GPC5: variants seen among roughly 807,000 people sequenced by gnomAD.
GPC5 encodes the protein glypican 5, also known as glypican-5.
GPC5 carries 47 observed loss-of-function variants against 53.9 expected under a neutral mutation model. The ratio of observed to expected loss-of-function variants is 0.87; its 90% CI spans 0.69 to 1.11. The LOEUF is 1.11. Ranked by LOEUF, GPC5 falls within the 50% of genes most tolerant of loss-of-function variation. The probability of loss-of-function intolerance (pLI) is 0.00; values close to 1 mark genes in which losing one functional copy is unlikely to be tolerated. For missense variants in GPC5, 748 were observed against 713.1 expected (o/e 1.05, Z -0.56); for synonymous variants, 286 against 263.3 (o/e 1.09, Z -0.84).
chr13:92,630,003 C>T (rs567047568), intron 7 of GPC5, among the ~76,000 whole-genome samples: 28 of 152,174 alleles, frequency 1.8e-4, no homozygotes, highest in African/African-American at 6.7e-4. Context: ...TAGTGGAGAA[C>T]CTTCAGGAGA....
At chr13:92,388,139 T>A (rs944970149) in intron 7 of GPC5, among the ~76,000 whole-genome samples, 1 of 152,120 alleles carries the variant, frequency 6.6e-6, no homozygotes, top group African/African-American at 2.4e-5. Flanking sequence ...TTAAACCTAT[T>A]TCTGAACTTT....
At chr13:92,436,031 A>G (rs1235789454) in intron 7 of GPC5, among the ~76,000 whole-genome samples, 2 of 152,146 alleles carry the variant, frequency 1.3e-5, no homozygotes, top group Non-Finnish European at 2.9e-5. Context: ...CTATTGAGTA[A>G]ATTAACATCT....
chr13:91,862,100 C>T (rs1023389819), intron 5 of GPC5, among the ~76,000 whole-genome samples: 10 of 152,050 alleles, frequency 6.6e-5, no homozygotes, highest in African/African-American at 2.4e-4. Flanking sequence ...TTTTCTGTTA[C>T]TCATATACTT....
chr13:91,484,865 G>A lies in GPC5; in HGVS notation c.325+35943G>A, dbSNP rs186099242. Among the ~76,000 whole-genome samples the A allele has an allele frequency of 2.2e-3, 328 of 152,298 alleles. 2 individuals are homozygous for A. Among genetic ancestry groups the A allele is most frequent in the African/African-American group, 7.7e-3 (320 of 41,566 alleles). On this transcript the variant is annotated intron_variant, in intron 2 of 7. Transcript: ENST00000377067. ...TGCTTGCTTTATCCTAGATGATTTT[G>A]GATATAGTGGCATAATGTGTACTTT...
chr13:91,615,996 G>A (rs1306393445), intron 2 of GPC5, among the ~76,000 whole-genome samples: 1 of 152,022 alleles, frequency 6.6e-6, no homozygotes, highest in Non-Finnish European at 1.5e-5. Flanking sequence ...AACCAAGAGA[G>A]AATTGATTGA....
chr13:92,627,597 C>T (rs1219602507), intron 7 of GPC5, among the ~76,000 whole-genome samples: 2 of 152,162 alleles, frequency 1.3e-5, no homozygotes, highest in African/African-American at 4.8e-5. Flanking sequence ...GGCATTTCTA[C>T]AGGCATTAGC....
chr13:91,442,619 A>G (rs1272537345), intron 1 of GPC5, among the ~76,000 whole-genome samples: 1 of 152,190 alleles, frequency 6.6e-6, no homozygotes, highest in Non-Finnish European at 1.5e-5. Flanking sequence ...TGCTGATTGC[A>G]TTCTCATGGT....
chr13:91,857,473 GAA>G (rs2038978987), intron 5 of GPC5, among the ~76,000 whole-genome samples: 1 of 151,006 alleles, frequency 6.6e-6, no homozygotes, highest in Non-Finnish European at 1.5e-5. Flanking sequence ...AATTTTAAAA[GAA>G]ATATAATTTA....
chr13:92,458,657 A>C (rs1313380081), intron 7 of GPC5, among the ~76,000 whole-genome samples: 3 of 152,066 alleles, frequency 2.0e-5, no homozygotes, highest in Non-Finnish European at 2.9e-5. Context: ...AAAGAGAGAA[A>C]GAGGAAGGGA....
In GPC5 at chr13:92,052,882, A is replaced by G. The variant is rs149981433; in HGVS notation, c.1402-91948A>G. Among the ~76,000 whole-genome samples, 1,001 of 152,240 alleles carry G rather than the reference A, an allele frequency of 6.6e-3. 14 individuals carry two copies. The highest frequency in any genetic ancestry group is 0.023 in the African/African-American group (966 of 41,542). On this transcript the variant is annotated intron_variant, in intron 6 of 7. Transcript: ENST00000377067. ...AGTCAAGGGAACTGTAGGAAGAAAG[A>G]GCCCTGTAGGAACCCTCAAGGGTCC...
intron 6 of GPC5, among the ~76,000 whole-genome samples, chr13:92,122,275 C>CT (rs36004164): frequency 0.031 from 4,446 of 144,374 alleles, 194 homozygotes; most frequent in African/African-American, 0.1. Context: ...AAACACAGCG[C>CT]TTTTTTTTTT....
intron 2 of GPC5, among the ~76,000 whole-genome samples, chr13:91,497,148 T>A (rs1461293663): frequency 6.6e-6 from 1 of 152,168 alleles, no homozygotes; most frequent in Non-Finnish European, 1.5e-5. Context: ...TTAAGAAAGA[T>A]GTATGACCAG....
chr13:92,650,726 C>T (rs1249856963), intron 7 of GPC5, among the ~76,000 whole-genome samples: 2 of 152,156 alleles, frequency 1.3e-5, no homozygotes, highest in African/African-American at 4.8e-5. Context: ...AAAAAGACAG[C>T]ATACCTTTTG....
chr13:92,174,538 GAAAA>G (rs545251875), intron 7 of GPC5, among the ~76,000 whole-genome samples: 4 of 113,562 alleles, frequency 3.5e-5, no homozygotes, highest in Non-Finnish European at 7.7e-5. Context: ...CCAACTCAAA[GAAAA>G]AAAAAAAACA....
chr13:91,733,379 C>T (rs2036744227), intron 4 of GPC5, among the ~76,000 whole-genome samples: 1 of 152,156 alleles, frequency 6.6e-6, no homozygotes, highest in South Asian at 2.1e-4. Flanking sequence ...ATGATCTGCC[C>T]ACCTCAGCCT....
At chr13:92,796,910 A>G (rs1876706244) in intron 7 of GPC5, among the ~76,000 whole-genome samples, 2 of 151,990 alleles carry the variant, frequency 1.3e-5, no homozygotes, top group African/African-American at 4.8e-5. Context: ...TATTTTTAAA[A>G]CATTTCTATT....
At chr13:91,668,301 T>G (rs769657398) in intron 2 of GPC5, among the ~76,000 whole-genome samples, 2 of 152,188 alleles carry the variant, frequency 1.3e-5, no homozygotes, top group Non-Finnish European at 2.9e-5. Context: ...GGGACAGATG[T>G]GCACATGCGT....
At chr13:92,630,333 T>C (rs956388326) in intron 7 of GPC5, among the ~76,000 whole-genome samples, 3 of 152,108 alleles carry the variant, frequency 2.0e-5, no homozygotes, top group African/African-American at 7.2e-5. Flanking sequence ...TAATATATAA[T>C]TGCAAGTTTG....
chr13:92,737,748 C>CTTTTTTTTTTTTT (rs200370425), intron 7 of GPC5, among the ~76,000 whole-genome samples: 1 of 108,168 alleles, frequency 9.2e-6, no homozygotes, highest in African/African-American at 3.3e-5. Flanking sequence ...TATTTTCTTT[C>CTTTTTTTTTTTTT]TTTTTTTTTT....
Sources: allele counts gnomAD v4.1 joint callset (sites outside exome capture counted in the v4.1 genomes callset), GRCh38; gene constraint gnomAD v4.1.1; transcripts MANE v1.5; gene names NCBI Gene and HGNC (gene_info 2026-07-23, HGNC 2026-07-21).